INSC: variants seen among roughly 807,000 people sequenced by gnomAD.
INSC encodes protein inscuteable homolog.
In INSC, 67 loss-of-function variants were observed where a neutral mutation model predicts 58.6. The observed-to-expected ratio is 1.14, with a 90% CI of 0.94 to 1.40. The LOEUF is 1.40. Among genes scored for constraint, INSC ranks in the 40% most tolerant of loss-of-function variants. The pLI is 0.00. For missense variants in INSC, 714 were observed against 692.0 expected (o/e 1.03, Z -0.36); for synonymous variants, 262 against 276.1 (o/e 0.95, Z 0.51).
At chr11:15,240,363 G>C in intron 11 of INSC, 84 bp from the exon 12 acceptor site, 3 of 1,150,814 alleles carry the variant, frequency 2.6e-6, no homozygotes, top group Non-Finnish European at 3.9e-6. Flanking sequence ...GGCAGATTGG[G>C]TGTGCAAGGG....
Position 15,221,537 on chromosome 11 carries a change from C to G in INSC, c.880C>G (p.Arg294Gly). The change falls in exon 8 of 13, where the codon CGG becomes GGG. Residue 294 changes from arginine to glycine, a missense_variant. Coordinates refer to ENST00000379556, the MANE Select transcript of INSC (RefSeq NM_001042536.3). ...LTDNSHSEAT[R>G]AEAAAVVAQV... ...CGACAACAGCCACTCAGAGGCCACA[C>G]GGGCTGAGGCTGCGGCTGTGGTGGC... 6.2e-7 allele frequency: 1 copy of G among 1,614,012 alleles called. No individual in the cohort carries two copies. The highest frequency in any genetic ancestry group is 1.1e-5 in the South Asian group (1 of 91,034).
At chr11:15,220,251 C>T (rs968862916) in intron 7 of INSC, among the ~76,000 whole-genome samples, 2 of 152,038 alleles carry the variant, frequency 1.3e-5, no homozygotes, top group Non-Finnish European at 2.9e-5. Flanking sequence ...GGAATGAGCA[C>T]GGGCTGCTCC....
intron 7 of INSC, among the ~76,000 whole-genome samples, chr11:15,203,854 A>G (rs1275662473): frequency 6.6e-6 from 1 of 152,156 alleles, no homozygotes; most frequent in Non-Finnish European, 1.5e-5. Flanking sequence ...GGTCAGAAAA[A>G]AAAACAGAAG....
chr11:15,169,792 T>C (rs1350292343), intron 2 of INSC, among the ~76,000 whole-genome samples: 1 of 152,080 alleles, frequency 6.6e-6, no homozygotes, highest in Non-Finnish European at 1.5e-5. Flanking sequence ...TTACAGAAAG[T>C]TACAAAGGTA....
intron 1 of INSC, among the ~76,000 whole-genome samples, chr11:15,127,649 C>A (rs185643690): frequency 6.6e-6 from 1 of 152,142 alleles, no homozygotes; most frequent in Non-Finnish European, 1.5e-5. Flanking sequence ...TCCCTCATTG[C>A]GTTCCATGTT....
chr11:15,130,333 C>A (rs1242939312), intron 1 of INSC, among the ~76,000 whole-genome samples: 1 of 152,174 alleles, frequency 6.6e-6, no homozygotes, highest in Admixed American at 6.5e-5. Context: ...TATTATTCTT[C>A]ATCTGTTGAG....
At chr11:15,146,659 C>T (rs1403599851) in intron 1 of INSC, among the ~76,000 whole-genome samples, 1 of 152,172 alleles carries the variant, frequency 6.6e-6, no homozygotes, top group Admixed American at 6.5e-5. Context: ...GAAAAGAAGT[C>T]GATTGTTTTG....
At chr11:15,167,863 G>A (rs1540157) in intron 2 of INSC, among the ~76,000 whole-genome samples, 127,175 of 152,054 alleles carry the variant, frequency 0.84, 53,338 homozygotes, top group East Asian at 0.98. Flanking sequence ...GACTGTTACC[G>A]TGAAAGGCAA....
At chr11:15,173,044 A>C (rs1849453455) in intron 2 of INSC, among the ~76,000 whole-genome samples, 1 of 152,242 alleles carries the variant, frequency 6.6e-6, no homozygotes, top group Non-Finnish European at 1.5e-5. Context: ...TTGAATTACA[A>C]TTCAGAACAT....
chr11:15,170,637 T>C lies in INSC; in HGVS notation c.57-5104T>C, dbSNP rs566778779. On this transcript the variant is annotated intron_variant, in intron 2 of 12. Coordinates refer to ENST00000379556, the MANE Select transcript of INSC (RefSeq NM_001042536.3). ...AATAGCGACTGCCAGGTTTCTCCACTGTAAAGTTTCTTTATTTCTCCCTTT... is the reference window on the plus strand; with the variant it reads ...AATAGCGACTGCCAGGTTTCTCCACCGTAAAGTTTCTTTATTTCTCCCTTT... 5.3e-5 allele frequency among the ~76,000 whole-genome samples: 8 copies of C among 152,362 alleles called. No individual in the cohort carries two copies. In the South Asian group the frequency reaches 1.4e-3, roughly 28 times the overall value.
chr11:15,161,212 C>T (rs568277672), intron 2 of INSC, among the ~76,000 whole-genome samples: 2 of 152,300 alleles, frequency 1.3e-5, no homozygotes, highest in East Asian at 1.9e-4. Flanking sequence ...AAATTACTCT[C>T]AGTATTAGCT....
the INSC span, among the ~76,000 whole-genome samples, chr11:15,262,734 T>C: frequency 6.6e-6 from 1 of 151,610 alleles, no homozygotes; most frequent in Middle Eastern, 3.4e-3. Flanking sequence ...GGTTCTTTAA[T>C]TAGTTGAAAG....
intron 1 of INSC, among the ~76,000 whole-genome samples, chr11:15,131,153 T>G (rs1054251796): frequency 6.6e-6 from 1 of 152,144 alleles, no homozygotes; most frequent in Non-Finnish European, 1.5e-5. Context: ...TTTTTTCTAA[T>G]TTAAGTATTT....
downstream of INSC, among the ~76,000 whole-genome samples, chr11:15,247,733 G>GTATATATATATATATATCTATATA (rs1852605183): frequency 7.8e-6 from 1 of 127,458 alleles, no homozygotes; most frequent in Non-Finnish European, 1.7e-5. Flanking sequence ...TAGAAATAAG[G>GTATATATATATATATATCTATATA]TATATATATA....
intron 7 of INSC, among the ~76,000 whole-genome samples, chr11:15,215,629 T>A (rs917666377): frequency 6.6e-6 from 1 of 152,224 alleles, no homozygotes; most frequent in Admixed American, 6.5e-5. Flanking sequence ...CCATACTTCA[T>A]CAGTAAACTG....
At chr11:15,171,493 T>C (rs1159857078) in intron 2 of INSC, among the ~76,000 whole-genome samples, 1 of 152,156 alleles carries the variant, frequency 6.6e-6, no homozygotes, top group African/African-American at 2.4e-5. Context: ...AACAGGGGAC[T>C]TACTTATTGT....
At chr11:15,157,386 C>T (rs189504131) in intron 2 of INSC, among the ~76,000 whole-genome samples, 103 of 152,296 alleles carry the variant, frequency 6.8e-4, no homozygotes, top group African/African-American at 2.3e-3. Flanking sequence ...ATTTTCAATT[C>T]CCGTCCTCTG....
chr11:15,241,376 A>C (rs903434350), intron 12 of INSC, among the ~76,000 whole-genome samples: 1 of 152,114 alleles, frequency 6.6e-6, no homozygotes, highest in African/African-American at 2.4e-5. Context: ...TTTTGAGCTG[A>C]GCTTGTCTCT....
chr11:15,253,758 T>C, the INSC span, among the ~76,000 whole-genome samples: 1 of 151,918 alleles, frequency 6.6e-6, no homozygotes, highest in East Asian at 1.9e-4. Context: ...GGTGGGAGAA[T>C]GACCTGTCCT....
Sources: allele counts gnomAD v4.1 joint callset (sites outside exome capture counted in the v4.1 genomes callset), GRCh38; gene constraint gnomAD v4.1.1; transcripts MANE v1.5; gene names NCBI Gene and HGNC (gene_info 2026-07-23, HGNC 2026-07-21).